PCDHGB1: variants seen among roughly 807,000 people sequenced by gnomAD.
The protein encoded by PCDHGB1 is protocadherin gamma subfamily B, 1, also known as protocadherin gamma-B1.
A neutral mutation model predicts 56.6 loss-of-function variants in PCDHGB1; 34 were observed. That is an observed-to-expected ratio of 0.60 (90% CI 0.46 to 0.80). The LOEUF (loss-of-function observed/expected upper bound fraction) is 0.80. PCDHGB1 is among the 30% of genes least tolerant of loss of function. The probability of loss-of-function intolerance (pLI) is 0.00; values close to 1 mark genes in which losing one functional copy is unlikely to be tolerated. For missense variants in PCDHGB1, 1,278 were observed against 1,204.6 expected (o/e 1.06, Z -0.90); for synonymous variants, 561 against 505.9 (o/e 1.11, Z -1.46).
At chr5:141,475,014 C>G (rs2099358221) in intron 1 of PCDHGB1, among the ~76,000 whole-genome samples, 1 of 152,202 alleles carries the variant, frequency 6.6e-6, no homozygotes, top group South Asian at 2.1e-4. Flanking sequence ...AAAGTTAAGG[C>G]TCTTTATTCT....
Position 141,393,179 on chromosome 5 carries a change from A to T in PCDHGB1, c.2409+40510A>T, listed in dbSNP as rs375085176. 8.7e-6 allele frequency: 14 copies of T among 1,613,202 alleles called. 2 individuals are homozygous for T. In the East Asian group the frequency reaches 2.5e-4, roughly 28 times the overall value. ...GAAAACTCTTTGGGGTAGAAATAGA[A>T]ATAATTGATATTAACGATAATAACC... On this transcript the variant is annotated intron_variant, in intron 1 of 3. Coordinates refer to ENST00000523390, the MANE Select transcript of PCDHGB1 (RefSeq NM_018922.3).
chr5:141,419,311 C>T (rs745852942), intron 1 of PCDHGB1: 4 of 1,613,876 alleles, frequency 2.5e-6, no homozygotes, highest in East Asian at 4.5e-5. Context: ...TCGGGCTCAA[C>T]GGCCGTGTCT....
chr5:141,372,524 A>T, intron 1 of PCDHGB1: 1 of 1,613,968 alleles, frequency 6.2e-7, no homozygotes, highest in Non-Finnish European at 8.5e-7. Context: ...TGATTCTGGC[A>T]ATCTCCCTGC....
chr5:141,351,073 T>C lies in PCDHGB1; in HGVS notation c.813T>C (p.Asn271=). The change falls in exon 1 of 4, where the codon AAT becomes AAC. Residue 271 remains asparagine (N), a synonymous_variant. Transcript: ENST00000523390. ...CCACAGACCAGGATGAGGGCATTAA[T>C]GCAGAGATCACCTATGCCTTCCTCA... The part of the protein sequence containing the change: ...VMATDQDEGI[N]AEITYAFLNS... The C allele has an allele frequency of 6.2e-7, 1 of 1,614,078 alleles. No homozygotes were observed. The highest frequency in any genetic ancestry group is 1.7e-5 in the Admixed American group (1 of 60,036).
chr5:141,427,764 T>C (rs1239199764), intron 1 of PCDHGB1: 4 of 1,383,480 alleles, frequency 2.9e-6, no homozygotes, highest in Non-Finnish European at 4.1e-6. Context: ...TACCACTGAC[T>C]TGGAGCTGCG....
At chr5:141,384,811 C>A (rs1273757599) in intron 1 of PCDHGB1, 1 of 1,613,338 alleles carries the variant, frequency 6.2e-7, no homozygotes, top group Admixed American at 1.7e-5. Context: ...CAGAGATGCC[C>A]TCAAGCAGAG....
At chr5:141,483,555 C>CAG (rs1415499107) in intron 1 of PCDHGB1, among the ~76,000 whole-genome samples, 2 of 152,152 alleles carry the variant, frequency 1.3e-5, no homozygotes, top group African/African-American at 4.8e-5. Flanking sequence ...GTGCCATTCA[C>CAG]AGAGACAGTG....
chr5:141,351,504 A>T lies in PCDHGB1; in HGVS notation c.1244A>T (p.Asn415Ile). The T allele has an allele frequency of 6.2e-7, 1 of 1,613,986 alleles. No homozygotes were observed. The highest frequency in any genetic ancestry group is 1.1e-5 in the South Asian group (1 of 91,080). ...ALNREQTADY[N>I]VTIIATDKGK... Reference sequence around the variant, plus strand: ...AACCGGGAGCAGACAGCAGACTACAACGTCACAATCATAGCCACCGACAAG... The same window carrying T: ...AACCGGGAGCAGACAGCAGACTACATCGTCACAATCATAGCCACCGACAAG... Residue 415 changes from asparagine to isoleucine, a missense_variant, in exon 1 of 4, where the codon AAC (asparagine) becomes ATC (isoleucine). Coordinates refer to ENST00000523390, the MANE Select transcript of PCDHGB1 (RefSeq NM_018922.3).
chr5:141,405,529 C>G, intron 1 of PCDHGB1: 1 of 654,350 alleles, frequency 1.5e-6, no homozygotes, highest in Middle Eastern at 4.2e-4. Flanking sequence ...AAGCGATTCT[C>G]CTGCCTCAGC....
At chr5:141,419,946 T>C in intron 1 of PCDHGB1, 1 of 1,614,086 alleles carries the variant, frequency 6.2e-7, no homozygotes, top group Non-Finnish European at 8.5e-7. Context: ...GTGGTGGCCT[T>C]GGCCTTGATT....
chr5:141,483,648 TTGTG>T (rs111458813), intron 1 of PCDHGB1, among the ~76,000 whole-genome samples: 10 of 149,592 alleles, frequency 6.7e-5, no homozygotes, highest in Non-Finnish European at 1.0e-4. Flanking sequence ...GGGTGTGTGT[TTGTG>T]TGTGTGTGTG....
intron 1 of PCDHGB1, chr5:141,383,720 A>T (rs963032230): frequency 1.2e-5 from 19 of 1,613,888 alleles, no homozygotes; most frequent in Non-Finnish European, 1.6e-5. Flanking sequence ...GAGGGAGTCA[A>T]TGGGGAAGTG....
rs142329128 is a variant in PCDHGB1, at chr5:141,439,495, C to T, written c.2410-55312C>T. Among the ~76,000 whole-genome samples the T allele has an allele frequency of 9.7e-4, 147 of 152,324 alleles. 1 individual carries two copies. The highest frequency in any genetic ancestry group is 3.4e-3 in the African/African-American group (140 of 41,568). ...TCAGCTTGCAAATTCCAGTGAGAAACGTCTTTCTCTCTGCTCTCAACTAAC... is the reference window on the plus strand; with the variant it reads ...TCAGCTTGCAAATTCCAGTGAGAAATGTCTTTCTCTCTGCTCTCAACTAAC... On this transcript the variant is annotated intron_variant, in intron 1 of 3. Coordinates refer to ENST00000523390, the MANE Select transcript of PCDHGB1 (RefSeq NM_018922.3).
chr5:141,489,101 T>A lies in PCDHGB1; in HGVS notation c.2410-5706T>A. 2 of 398,380 alleles carry A rather than the reference T, an allele frequency of 5.0e-6. No individual in the cohort carries two copies. Among genetic ancestry groups the A allele is most frequent in the Non-Finnish European group, 9.0e-6 (2 of 223,310 alleles). The allele number at this position is 398,380 out of a possible 1,614,324, so 24.7% of individuals were successfully genotyped here. ...CCGCCACTCGGTGACTAAGAACTGC[T>A]GCAAGCAGGCAAACCTCCGAGCAGT... On this transcript the variant is annotated intron_variant, in intron 1 of 3. Coordinates refer to ENST00000523390, the MANE Select transcript of PCDHGB1 (RefSeq NM_018922.3). This position sits in a 1 kb window ranked among gnomAD's most constrained non-coding sequence, Gnocchi z 4.5.
chr5:141,465,049 T>G (rs546927594), intron 1 of PCDHGB1, among the ~76,000 whole-genome samples: 1 of 152,016 alleles, frequency 6.6e-6, no homozygotes, highest in Non-Finnish European at 1.5e-5. Flanking sequence ...ACCCTATATA[T>G]TTTTTTGAAT....
chr5:141,394,524 G>T lies in PCDHGB1; in HGVS notation c.2409+41855G>T, dbSNP rs977174958. 13 of 1,614,214 alleles carry T rather than the reference G, an allele frequency of 8.1e-6. No homozygotes were observed. ...CCTGTACCCCGCCCTCCCCACAGAC[G>T]GTTCCACTGGCGTGGAGCTGGCGCC... On this transcript the variant is annotated intron_variant, in intron 1 of 3. Coordinates refer to ENST00000523390, the MANE Select transcript of PCDHGB1 (RefSeq NM_018922.3).
Position 141,423,504 on chromosome 5 carries a change from T to G in PCDHGB1, c.2409+70835T>G, listed in dbSNP as rs1448233226. ...TGCAAACCTATTCCCACGAGGTCTCTCTCATTGCGGACTCGCAGAAGAGTC... is the reference window on the plus strand; with the variant it reads ...TGCAAACCTATTCCCACGAGGTCTCGCTCATTGCGGACTCGCAGAAGAGTC... On this transcript the variant is annotated intron_variant, in intron 1 of 3. Transcript: ENST00000523390. The G allele has an allele frequency of 3.1e-6, 5 of 1,613,770 alleles. No individual in the cohort carries two copies. The Admixed American group carries it at 8.3e-5, about 27-fold the overall frequency.
intron 1 of PCDHGB1, chr5:141,371,309 A>G: frequency 1.2e-6 from 2 of 1,614,012 alleles, no homozygotes; most frequent in Non-Finnish European, 8.5e-7. Flanking sequence ...CCACTATTGG[A>G]GAACTGGACT....
intron 1 of PCDHGB1, chr5:141,414,594 C>T: frequency 1.2e-6 from 2 of 1,613,952 alleles, no homozygotes; most frequent in Non-Finnish European, 1.7e-6. Flanking sequence ...CCAGGGGTGC[C>T]TCCATCTTCT....
Sources: allele counts gnomAD v4.1 joint callset (sites outside exome capture counted in the v4.1 genomes callset), GRCh38; gene constraint gnomAD v4.1.1; non-coding constraint Gnocchi (gnomAD v3.1); transcripts MANE v1.5; gene names NCBI Gene and HGNC (gene_info 2026-07-23, HGNC 2026-07-21).